Variants in TTC28 observed in about 807,000 individuals in gnomAD.
The protein encoded by TTC28 is tetratricopeptide repeat domain 28, also known as tetratricopeptide repeat protein 28.
In TTC28, 61 loss-of-function variants were observed where a neutral mutation model predicts 198.0. The observed-to-expected ratio is 0.31, with a 90% CI of 0.25 to 0.38. The LOEUF is 0.38. Ranked by LOEUF, TTC28 falls within the 10% of genes least tolerant of loss-of-function variation. The pLI, the probability that TTC28 is intolerant of heterozygous loss-of-function variation, is 1.00. For missense variants in TTC28, 2,678 were observed against 3,164.0 expected (o/e 0.85, Z 3.69); for synonymous variants, 1,171 against 1,297.8 (o/e 0.90, Z 2.10).
chr22:28,166,338 C>G (rs954697718), intron 5 of TTC28, among the ~76,000 whole-genome samples: 1 of 152,218 alleles, frequency 6.6e-6, no homozygotes, highest in Admixed American at 6.5e-5. Flanking sequence ...CAGACATCTA[C>G]AGAACTCTCC....
chr22:28,122,416 T>G (rs1480437313), intron 6 of TTC28, among the ~76,000 whole-genome samples: 2 of 152,218 alleles, frequency 1.3e-5, no homozygotes, highest in African/African-American at 4.8e-5. Context: ...TAAGCCAGAT[T>G]TTCTGTTTCT....
intron 2 of TTC28, among the ~76,000 whole-genome samples, chr22:28,367,993 G>T (rs1317567806): frequency 6.6e-6 from 1 of 151,882 alleles, no homozygotes; most frequent in Non-Finnish European, 1.5e-5. Flanking sequence ...ATTTAAAAAA[G>T]AACTAATACC....
intron 2 of TTC28, among the ~76,000 whole-genome samples, chr22:28,432,887 C>T (rs1388797523): frequency 6.6e-6 from 1 of 152,198 alleles, no homozygotes; most frequent in Non-Finnish European, 1.5e-5. Flanking sequence ...TCTTCATTCT[C>T]AACTATCTTC....
At chr22:28,287,096 A>G (rs1234372066) in intron 5 of TTC28, among the ~76,000 whole-genome samples, 1 of 152,224 alleles carries the variant, frequency 6.6e-6, no homozygotes, top group Non-Finnish European at 1.5e-5. Flanking sequence ...AGCTACAAAA[A>G]TTACATTATC....
At chr22:28,201,751 C>CAAAAA (rs34790960) in intron 5 of TTC28, among the ~76,000 whole-genome samples, 18 of 80,996 alleles carry the variant, frequency 2.2e-4, no homozygotes, top group African/African-American at 8.0e-4. Context: ...TTACAGAAAG[C>CAAAAA]AAAAAAAAAA....
intron 5 of TTC28, among the ~76,000 whole-genome samples, chr22:28,177,633 T>G (rs1473301341): frequency 6.6e-6 from 1 of 152,164 alleles, no homozygotes; most frequent in Non-Finnish European, 1.5e-5. Context: ...AATGGAGAAA[T>G]AAACTGTGGG....
intron 5 of TTC28, among the ~76,000 whole-genome samples, chr22:28,207,603 C>T (rs748403710): frequency 3.3e-5 from 5 of 152,056 alleles, no homozygotes; most frequent in South Asian, 2.1e-4. Context: ...ACATAGTAAG[C>T]GTACAGAAGA....
At chr22:28,560,204 C>T (rs2049846658) in intron 2 of TTC28, among the ~76,000 whole-genome samples, 1 of 152,174 alleles carries the variant, frequency 6.6e-6, no homozygotes, top group Non-Finnish European at 1.5e-5. Context: ...ATCTGGAAAA[C>T]ATATCCTAAA....
intron 2 of TTC28, among the ~76,000 whole-genome samples, chr22:28,386,510 C>A (rs1601725701): frequency 6.6e-6 from 1 of 152,180 alleles, no homozygotes; most frequent in East Asian, 1.9e-4. Flanking sequence ...GCTGACTATA[C>A]AATCACAAGT....
intron 2 of TTC28, among the ~76,000 whole-genome samples, chr22:28,503,200 T>A (rs758351282): frequency 6.6e-6 from 1 of 152,086 alleles, no homozygotes; most frequent in Non-Finnish European, 1.5e-5. Context: ...ACTCCCTACA[T>A]CCTCTACTTT....
chr22:28,013,366 G>A (rs1363635389), intron 14 of TTC28, among the ~76,000 whole-genome samples: 3 of 152,182 alleles, frequency 2.0e-5, no homozygotes, highest in Non-Finnish European at 4.4e-5. Context: ...GCTCACCGTT[G>A]GGATTTGCGA....
At chr22:28,173,570 T>C (rs1008810854) in intron 5 of TTC28, among the ~76,000 whole-genome samples, 11 of 152,212 alleles carry the variant, frequency 7.2e-5, no homozygotes, top group Admixed American at 7.2e-4. Flanking sequence ...CTTGCCAAAA[T>C]ATAATTTCCA....
chr22:27,993,643 G>A (rs1293461659), intron 17 of TTC28, 125 bp from the exon 18 acceptor site: 7 of 941,588 alleles, frequency 7.4e-6, no homozygotes, highest in Non-Finnish European at 1.1e-5. Context: ...CATAGCCCAC[G>A]TGGCCAGGCC....
intron 12 of TTC28, among the ~76,000 whole-genome samples, chr22:28,074,170 T>C (rs1210190005): frequency 6.6e-6 from 1 of 152,202 alleles, no homozygotes; most frequent in Non-Finnish European, 1.5e-5. Context: ...AGTCAAGAGT[T>C]ACACATTAAA....
Position 28,254,976 on chromosome 22 carries a change from C to A in TTC28, c.933+41222G>T, listed in dbSNP as rs1601536204. 3.9e-5 allele frequency among the ~76,000 whole-genome samples: 6 copies of A among 152,268 alleles called. 1 individual carries two copies. Among genetic ancestry groups the A allele is most frequent in the Admixed American group, 3.9e-4 (6 of 15,294 alleles). ...TCCAGTGATAAATTAAAACCCCAGACCTATGTGATGCATAGATATGGAGTC... is the reference window on the plus strand; with the variant it reads ...TCCAGTGATAAATTAAAACCCCAGAACTATGTGATGCATAGATATGGAGTC... On this transcript the variant is annotated intron_variant, in intron 5 of 22. Coordinates refer to ENST00000397906, the MANE Select transcript of TTC28 (RefSeq NM_001145418.2).
At chr22:28,129,273 A>G (rs1942998710) in intron 6 of TTC28, among the ~76,000 whole-genome samples, 1 of 152,220 alleles carries the variant, frequency 6.6e-6, no homozygotes, top group Non-Finnish European at 1.5e-5. Context: ...TGGGGTAGAC[A>G]CTGGGATTGC....
At chr22:28,472,464 T>C (rs1244169726) in intron 2 of TTC28, among the ~76,000 whole-genome samples, 1 of 151,978 alleles carries the variant, frequency 6.6e-6, no homozygotes, top group African/African-American at 2.4e-5. Context: ...TTCATAGACA[T>C]TTGCTTACTA....
intron 5 of TTC28, among the ~76,000 whole-genome samples, chr22:28,172,323 T>G (rs1378951414): frequency 1.3e-5 from 2 of 152,186 alleles, no homozygotes; most frequent in Non-Finnish European, 2.9e-5. Context: ...AACCCAGCCA[T>G]GAGCCCCTGT....
rs367707123 is a variant in TTC28 at position 28,168,416 on chromosome 22, A to C, written c.934-4817T>G. On this transcript the variant is annotated intron_variant, in intron 5 of 22. Transcript: ENST00000397906. ...TGGAGGCATCACGCTACCTGACTTCAAACTATACTACAAGGCTACAGTAAC... is the reference window on the plus strand; with the variant it reads ...TGGAGGCATCACGCTACCTGACTTCCAACTATACTACAAGGCTACAGTAAC... Among the ~76,000 whole-genome samples the C allele has an allele frequency of 2.9e-4, 44 of 152,344 alleles. No individual in the cohort carries two copies. The East Asian group carries it at 2.9e-3, about 10-fold the overall frequency.
Sources: gnomAD v4.1 joint callset for allele counts (sites outside exome capture counted in the v4.1 genomes callset) on GRCh38, gnomAD v4.1.1 for gene constraint, MANE v1.5 for transcripts, NCBI Gene and HGNC (gene_info 2026-07-23, HGNC 2026-07-21) for gene names.